Variants in STAU2 observed in about 807,000 individuals in gnomAD.
The protein encoded by STAU2 is staufen double-stranded RNA binding protein 2.
A neutral mutation model predicts 65.9 loss-of-function variants in STAU2; 20 were observed. The observed-to-expected ratio is 0.30, with a 90% confidence interval of 0.21 to 0.44. The LOEUF (loss-of-function observed/expected upper bound fraction) is 0.44, where lower values mean the gene tolerates loss of function less well. Among genes scored for constraint, STAU2 ranks in the 20% least tolerant of loss-of-function variants. STAU2 has a pLI of 1.00. For missense variants in STAU2, 558 were observed against 683.9 expected (o/e 0.82, Z 2.05); for synonymous variants, 232 against 233.9 (o/e 0.99, Z 0.07).
At chr8:73,479,712 C>CGTGTGTGTGTGT (rs5892422) in intron 13 of STAU2, among the ~76,000 whole-genome samples, 2,779 of 143,836 alleles carry the variant, frequency 0.019, 71 homozygotes, top group African/African-American at 0.058. Context: ...CTTAAATATA[C>CGTGTGTGTGTGT]GTGTGTGTGT....
chr8:73,718,680 G>C (rs984345184), intron 3 of STAU2, among the ~76,000 whole-genome samples: 1 of 152,198 alleles, frequency 6.6e-6, no homozygotes, highest in Admixed American at 6.5e-5. Context: ...TGAATAATGA[G>C]AATCAACTGT....
intron 1 of STAU2, among the ~76,000 whole-genome samples, chr8:73,741,233 A>G (rs908699167): frequency 1.4e-5 from 2 of 146,098 alleles, no homozygotes; most frequent in Non-Finnish European, 3.0e-5. Flanking sequence ...TGAACCCGGG[A>G]GGCGGAGCTT....
At chr8:73,634,304 C>T (rs988112068) in intron 6 of STAU2, among the ~76,000 whole-genome samples, 2 of 151,818 alleles carry the variant, frequency 1.3e-5, no homozygotes, top group African/African-American at 2.4e-5. Context: ...CCGGGGTGGG[C>T]GGATCACGAG....
At chr8:73,695,997 C>T (rs928229302) in intron 4 of STAU2, among the ~76,000 whole-genome samples, 1 of 152,234 alleles carries the variant, frequency 6.6e-6, no homozygotes, top group Non-Finnish European at 1.5e-5. Context: ...GTGCTGGCTT[C>T]AGGTCTGACC....
At chr8:73,630,001 T>C (rs1479738554) in intron 6 of STAU2, among the ~76,000 whole-genome samples, 1 of 152,322 alleles carries the variant, frequency 6.6e-6, no homozygotes, top group East Asian at 1.9e-4. Context: ...CTGGATCCTT[T>C]CATACTGTTT....
At chr8:73,648,926 C>A (rs539057172) in intron 6 of STAU2, among the ~76,000 whole-genome samples, 2 of 152,296 alleles carry the variant, frequency 1.3e-5, no homozygotes, top group East Asian at 3.9e-4. Flanking sequence ...CCTGCCTCAG[C>A]CTCCCTAGTA....
chr8:73,635,943 C>CAT (rs1814468934), intron 6 of STAU2, among the ~76,000 whole-genome samples: 2 of 107,918 alleles, frequency 1.9e-5, no homozygotes, highest in African/African-American at 7.7e-5. Context: ...CACACACACA[C>CAT]ACACACACCC....
chr8:73,677,174 G>A (rs1209809226), intron 5 of STAU2, among the ~76,000 whole-genome samples: 1 of 152,084 alleles, frequency 6.6e-6, no homozygotes, highest in Admixed American at 6.5e-5. Flanking sequence ...AAAACACAAT[G>A]AATTACTATT....
At chr8:73,631,873 G>C (rs1425883639) in intron 6 of STAU2, among the ~76,000 whole-genome samples, 1 of 152,026 alleles carries the variant, frequency 6.6e-6, no homozygotes, top group Non-Finnish European at 1.5e-5. Context: ...TAAATATATA[G>C]TCCAAATATT....
chr8:73,556,376 G>T (rs1349332314), intron 12 of STAU2, among the ~76,000 whole-genome samples: 1 of 151,968 alleles, frequency 6.6e-6, no homozygotes, highest in Non-Finnish European at 1.5e-5. Flanking sequence ...TTAACAAATT[G>T]CCCTCCAAAG....
intron 4 of STAU2, among the ~76,000 whole-genome samples, chr8:73,708,737 A>C (rs1820690555): frequency 6.6e-6 from 1 of 152,202 alleles, no homozygotes; most frequent in Non-Finnish European, 1.5e-5. Flanking sequence ...CTATTAAGCA[A>C]GTCACTTAAC....
At chr8:73,519,897 T>C (rs1423744324) in intron 13 of STAU2, among the ~76,000 whole-genome samples, 1 of 152,090 alleles carries the variant, frequency 6.6e-6, no homozygotes, top group East Asian at 1.9e-4. Flanking sequence ...TTGATAAGTG[T>C]AACAATGGGA....
chr8:73,736,156 AAAT>A (rs1806414543), intron 3 of STAU2, among the ~76,000 whole-genome samples: 1 of 152,234 alleles, frequency 6.6e-6, no homozygotes, highest in African/African-American at 2.4e-5. Context: ...GGAGAAAACT[AAAT>A]AATAACTTTA....
intron 12 of STAU2, among the ~76,000 whole-genome samples, chr8:73,569,300 A>G (rs1274509568): frequency 6.6e-6 from 1 of 152,066 alleles, no homozygotes; most frequent in African/African-American, 2.4e-5. Context: ...TAGGTAAACA[A>G]AGCAGCCGGG....
At chr8:73,677,897 CCTTCCTCTGACTCTTGCTGGTTTA>C (rs1028133955) in intron 5 of STAU2, among the ~76,000 whole-genome samples, 4 of 152,148 alleles carry the variant, frequency 2.6e-5, no homozygotes, top group African/African-American at 9.7e-5. Flanking sequence ...TCTCCTGTTT[CCTTCCTCTGACTCTTGCTGGTTTA>C]CTTCCTGCTA....
chr8:73,641,367 T>C (rs1546325), intron 6 of STAU2, among the ~76,000 whole-genome samples: 29,491 of 151,340 alleles, frequency 0.19, 3,124 homozygotes, highest in East Asian at 0.37. Flanking sequence ...CCTCCTACCC[T>C]TGCAAAAAAA....
At chr8:73,665,874 C>A (rs541668754) in intron 6 of STAU2, among the ~76,000 whole-genome samples, 22 of 152,238 alleles carry the variant, frequency 1.4e-4, no homozygotes, top group African/African-American at 5.3e-4. Context: ...ATAACCTATG[C>A]ACATCCTCCC....
At chr8:73,433,835 C>T (rs1055618022) in intron 13 of STAU2, among the ~76,000 whole-genome samples, 3 of 151,780 alleles carry the variant, frequency 2.0e-5, no homozygotes, top group Admixed American at 1.3e-4. Flanking sequence ...CACAAAGTCC[C>T]CTTTGTCACG....
intron 6 of STAU2, chr8:73,651,406 G>A: frequency 4.5e-6 from 3 of 665,536 alleles, no homozygotes; most frequent in East Asian, 3.0e-5. Flanking sequence ...AGCTGTCGGA[G>A]GTCCAGATAA....
Sources: gnomAD v4.1 joint callset for allele counts (sites outside exome capture counted in the v4.1 genomes callset) on GRCh38, gnomAD v4.1.1 for gene constraint, MANE v1.5 for transcripts, NCBI Gene and HGNC (gene_info 2026-07-23, HGNC 2026-07-21) for gene names.